The following PDCD1LG2 variants were observed in gnomAD, a reference collection of about 807,000 sequenced individuals.
PDCD1LG2 encodes the protein B7 dendritic cell molecule.
A neutral mutation model predicts 28.2 loss-of-function variants in PDCD1LG2; 32 were observed. The observed-to-expected ratio is 1.13, with a 90% CI of 0.86 to 1.52. The LOEUF (loss-of-function observed/expected upper bound fraction) is 1.52, where lower values mean the gene tolerates loss of function less well. Among genes scored for constraint, PDCD1LG2 ranks in the 40% most tolerant of loss-of-function variants. The pLI, the probability that PDCD1LG2 is intolerant of heterozygous loss-of-function variation, is 0.00. For missense variants in PDCD1LG2, 385 were observed against 323.8 expected (o/e 1.19, Z -1.45); for synonymous variants, 116 against 120.2 (o/e 0.97, Z 0.23).
In PDCD1LG2 at chr9:5,534,977, C is replaced by G. The variant is rs149087995; in HGVS notation, c.288C>G (p.Asp96Glu). 4 of 1,613,898 alleles carry G rather than the reference C, an allele frequency of 2.5e-6. No individual in the cohort carries two copies. The African/African-American group carries it at 5.3e-5, about 22-fold the overall frequency. The change falls in exon 3 of 7, where the codon GAC becomes GAG. Residue 96 changes from aspartate to glutamate, a missense_variant. Coordinates refer to ENST00000397747, the MANE Select transcript of PDCD1LG2 (RefSeq NM_025239.4). Reference sequence around the variant, plus strand: ...ACATACCTCAAGTCCAAGTGAGGGACGAAGGACAGTACCAATGCATAATCA... The same window carrying G: ...ACATACCTCAAGTCCAAGTGAGGGAGGAAGGACAGTACCAATGCATAATCA... ...SFHIPQVQVRDEGQYQCIIIY... is the reference protein window; with the variant it reads ...SFHIPQVQVREEGQYQCIIIY...
chr9:5,564,828 G>T (rs1816632212), intron 6 of PDCD1LG2, among the ~76,000 whole-genome samples: 1 of 152,212 alleles, frequency 6.6e-6, no homozygotes, highest in South Asian at 2.1e-4. Flanking sequence ...CTTTGCTCAT[G>T]TTGGTTATTT....
chr9:5,565,229 T>C (rs571525647), intron 6 of PDCD1LG2, among the ~76,000 whole-genome samples: 4 of 152,286 alleles, frequency 2.6e-5, no homozygotes, highest in Non-Finnish European at 5.9e-5. Flanking sequence ...ATCACCCAGG[T>C]TGGAGTGCAG....
chr9:5,523,861 T>G (rs908972804), intron 2 of PDCD1LG2, among the ~76,000 whole-genome samples: 10 of 152,186 alleles, frequency 6.6e-5, no homozygotes, highest in African/African-American at 2.4e-4. Context: ...ACTGAGATCC[T>G]GGGTTTTCTG....
In PDCD1LG2 at chr9:5,570,970, C is replaced by T; in HGVS notation, c.*1011C>T. ...ATATGTGTGGAGCAGAAGGGTAACT[C>T]GGCTACAGTAACAGCTTAATTTTGT... On this transcript the variant is annotated 3_prime_UTR_variant, in exon 7 of 7. Coordinates refer to ENST00000397747, the MANE Select transcript of PDCD1LG2 (RefSeq NM_025239.4). The T allele has an allele frequency of 8.6e-6, 2 of 232,648 alleles. No homozygotes were observed. Among genetic ancestry groups the T allele is most frequent in the East Asian group, 1.2e-4 (2 of 16,492 alleles). The allele number at this position is 232,648 out of a possible 1,614,324, so 14.4% of individuals were successfully genotyped here. A position where few individuals can be genotyped will look rare whatever the true frequency, so the allele number is the denominator to read the frequency against.
chr9:5,535,787 A>G (rs539825099), intron 3 of PDCD1LG2, among the ~76,000 whole-genome samples: 2 of 152,184 alleles, frequency 1.3e-5, no homozygotes, highest in African/African-American at 2.4e-5. Context: ...AGCTGTCCCT[A>G]TTCCTCTGGA....
rs1292263401 is a variant in PDCD1LG2, at chr9:5,569,071, G to A, written c.817-883G>A. 6.6e-6 allele frequency among the ~76,000 whole-genome samples: 1 copy of A among 152,198 alleles called. No homozygotes were observed. The highest frequency in any genetic ancestry group is 6.5e-5 in the Admixed American group (1 of 15,274). ...GCACGTGACCCCGTTCAGAGAGAAA[G>A]CCAGGTGTGAGATAAGGGGGAAAGA... On this transcript the variant is annotated intron_variant, in intron 6 of 6. Coordinates refer to ENST00000397747, the MANE Select transcript of PDCD1LG2 (RefSeq NM_025239.4). The surrounding 1 kb of genome is among the most constrained non-coding windows in gnomAD (Gnocchi z 4.1).
intron 2 of PDCD1LG2, among the ~76,000 whole-genome samples, chr9:5,526,803 A>T (rs1402626374): frequency 6.6e-6 from 1 of 152,230 alleles, no homozygotes; most frequent in Non-Finnish European, 1.5e-5. Flanking sequence ...TAAGCATTCA[A>T]TAAATGTATG....
In PDCD1LG2 at chr9:5,569,612, C is replaced by T. The variant is rs909951616; in HGVS notation, c.817-342C>T. Among the ~76,000 whole-genome samples, 4 of 152,140 alleles carry T rather than the reference C, an allele frequency of 2.6e-5. No individual in the cohort carries two copies. Among genetic ancestry groups the T allele is most frequent in the African/African-American group, 9.7e-5 (4 of 41,434 alleles). On this transcript the variant is annotated intron_variant, in intron 6 of 6. Transcript: ENST00000397747. The surrounding 1 kb of genome is among the most constrained non-coding windows in gnomAD (Gnocchi z 4.1). Reference sequence around the variant, plus strand: ...GAGTGCAGCAGGGTGAATAATGAGTCTGCAGGAATTAATAGAAATATCTGA... The same window carrying T: ...GAGTGCAGCAGGGTGAATAATGAGTTTGCAGGAATTAATAGAAATATCTGA...
At chr9:5,566,472 G>C (rs1349429136) in intron 6 of PDCD1LG2, among the ~76,000 whole-genome samples, 1 of 152,190 alleles carries the variant, frequency 6.6e-6, no homozygotes, top group Non-Finnish European at 1.5e-5. Context: ...TAAGTGATGC[G>C]TGTTATTTCT....
rs1816740820 is a variant in PDCD1LG2, at chr9:5,569,972, G to C, written c.*13G>C. On this transcript the variant is annotated 3_prime_UTR_variant, in exon 7 of 7. Transcript: ENST00000397747. This position sits in a 1 kb window ranked among gnomAD's most constrained non-coding sequence, Gnocchi z 4.1. ...TCCCCAGATCTGAACCTGTGGTCTT[G>C]GGAGCCAGGGTGACCTGATATGACA... The C allele has an allele frequency of 6.2e-7, 1 of 1,613,968 alleles. No homozygotes were observed. The highest frequency in any genetic ancestry group is 2.2e-5 in the East Asian group (1 of 44,884).
chr9:5,528,289 C>G (rs60754084), intron 2 of PDCD1LG2, among the ~76,000 whole-genome samples: 2 of 144,936 alleles, frequency 1.4e-5, no homozygotes, highest in Non-Finnish European at 3.0e-5. Flanking sequence ...TATATATATA[C>G]ACACACACAC....
At chr9:5,518,764 T>C (rs1820217162) in intron 1 of PDCD1LG2, among the ~76,000 whole-genome samples, 1 of 152,218 alleles carries the variant, frequency 6.6e-6, no homozygotes, top group African/African-American at 2.4e-5. Context: ...CCTATATTTG[T>C]TGCCACATCT....
intron 1 of PDCD1LG2, among the ~76,000 whole-genome samples, chr9:5,515,765 T>C (rs770366463): frequency 1.3e-5 from 2 of 150,838 alleles, no homozygotes; most frequent in Non-Finnish European, 3.0e-5. Flanking sequence ...CTACTAAAAA[T>C]ATGAAAAATT....
chr9:5,527,232 T>C (rs1820397176), intron 2 of PDCD1LG2, among the ~76,000 whole-genome samples: 1 of 152,216 alleles, frequency 6.6e-6, no homozygotes, highest in African/African-American at 2.4e-5. Flanking sequence ...TTTTAACAAA[T>C]GCATAGTCCT....
chr9:5,549,235 T>C, intron 3 of PDCD1LG2, 100 bp from the exon 4 acceptor site: 1 of 1,100,894 alleles, frequency 9.1e-7, no homozygotes, highest in African/African-American at 1.6e-5. Flanking sequence ...TTACTTAATA[T>C]TGATAGTGAT....
chr9:5,512,139 TTGTG>T (rs1563817937), intron 1 of PDCD1LG2, among the ~76,000 whole-genome samples: 1 of 152,226 alleles, frequency 6.6e-6, no homozygotes, highest in Admixed American at 6.5e-5. Context: ...CAGTAGATTG[TTGTG>T]TGTCATTTTA....
At chr9:5,525,872 C>T (rs1316646015) in intron 2 of PDCD1LG2, among the ~76,000 whole-genome samples, 1 of 151,854 alleles carries the variant, frequency 6.6e-6, no homozygotes, top group Non-Finnish European at 1.5e-5. Context: ...CATGGTGAAA[C>T]CTCGTCTCTA....
intron 5 of PDCD1LG2, among the ~76,000 whole-genome samples, chr9:5,562,226 T>G (rs1179052986): frequency 6.6e-6 from 1 of 152,124 alleles, no homozygotes; most frequent in Non-Finnish European, 1.5e-5. Flanking sequence ...TGCAAAGATA[T>G]GAAACCAACC....
chr9:5,534,755 A>G lies in PDCD1LG2; in HGVS notation c.66A>G (p.Thr22=). 6.3e-7 allele frequency: 1 copy of G among 1,599,000 alleles called. No homozygotes were observed. Among genetic ancestry groups the G allele is most frequent in the Non-Finnish European group, 8.5e-7 (1 of 1,170,218 alleles). ...LQLHQIAALF[T]VTVPKELYII... is the part of the protein sequence containing the mutation. The stretch of plus-strand genomic sequence containing the variant: ...TTGTTTTCTTTTCAGCTTTATTCAC[A>G]GTGACAGTCCCTAAGGAACTGTACA... The change falls in exon 3 of 7, where the codon ACA becomes ACG. Residue 22 remains threonine, a synonymous_variant. Transcript: ENST00000397747.
Sources: gnomAD v4.1 joint callset for allele counts (sites outside exome capture counted in the v4.1 genomes callset) on GRCh38, gnomAD v4.1.1 for gene constraint, Gnocchi (gnomAD v3.1) non-coding constraint, MANE v1.5 for transcripts, NCBI Gene and HGNC (gene_info 2026-07-23, HGNC 2026-07-21) for gene names.